The following POU5F1 variants were observed in gnomAD, a reference collection of about 807,000 sequenced individuals.
POU5F1 encodes the protein POU domain, class 5, transcription factor 1.
Under a neutral mutation model 38.3 loss-of-function variants are expected in POU5F1, and 6 were observed. The observed-to-expected ratio is 0.16, with a 90% CI of 0.09 to 0.31. The LOEUF is 0.31. POU5F1 is among the 10% of genes least tolerant of loss of function. POU5F1 has a pLI of 1.00. For missense variants in POU5F1, 286 were observed against 462.6 expected, an observed-to-expected ratio of 0.62 and a Z score of 3.50; for synonymous variants, 147 against 194.9, an observed-to-expected ratio of 0.75 and a Z score of 2.05.
chr6:31,170,527 G>A lies in POU5F1; in HGVS notation c.94C>T (p.Pro32Ser), dbSNP rs1777589618. The A allele has an allele frequency of 6.3e-7, 1 of 1,585,578 alleles. No homozygotes were observed. The highest frequency in any genetic ancestry group is 8.6e-7 in the Non-Finnish European group (1 of 1,166,804). Residue 32 changes from proline (P) to serine (S), a missense_variant, in exon 1 of 5, where the codon CCT (proline) becomes TCT (serine). Physicochemically the swap from Pro to Ser is moderately conservative, Grantham distance 74. This residue lies in a region of POU5F1 where 176 missense variants were observed against 184.8 expected (regional missense o/e 0.95). Coordinates refer to ENST00000259915, the MANE Select transcript of POU5F1 (RefSeq NM_002701.6). ...CCTTGGAAGCTTAGCCAGGTCCGAG[G>A]ATCAACCCAGCCCGGCTCCGGCCCC... is the stretch of plus-strand genomic sequence containing the variant. Reference protein sequence around the residue: ...PGGPEPGWVDPRTWLSFQGPP... With the variant: ...PGGPEPGWVDSRTWLSFQGPP...
chr6:31,166,262 G>C (rs761916552), intron 1 of POU5F1: 3 of 1,540,952 alleles, frequency 1.9e-6, no homozygotes, highest in African/African-American at 2.7e-5. Context: ...ATGTAACAAA[G>C]GACTACTCTT....
rs1244494688 is a variant in POU5F1 at position 31,166,032 on chromosome 6, C to G, written c.421G>C (p.Ala141Pro). The G allele has an allele frequency of 1.2e-6, 2 of 1,614,086 alleles. No individual in the cohort carries two copies. The highest frequency in any genetic ancestry group is 1.7e-6 in the Non-Finnish European group (2 of 1,180,046). Residue 141 changes from alanine (A) to proline (P), a missense_variant, in exon 2 of 5, where the codon GCT becomes CCT. Physicochemically the swap from Ala to Pro is conservative, Grantham distance 27. Around this residue, in one of 2 missense-constraint regions of POU5F1, gnomAD observed 110 missense variants for 277.8 expected, o/e 0.40. Transcript: ENST00000259915. ...AATTGCTCGAGTTCTTTCTGCAGAG[C>G]TTTGATGTCCTGGGACTGGATTTTA... ...QNPEESQDIK[A>P]LQKELEQFAK...
intron 1 of POU5F1, chr6:31,166,662 GAA>G (rs9279005): frequency 0.053 from 48,950 of 926,874 alleles, 1,480 homozygotes; most frequent in East Asian, 0.19. Flanking sequence ...CTGTCTCAAA[GAA>G]AAAAAAAAAA....
intron 1 of POU5F1, chr6:31,166,801 A>AT: frequency 8.5e-7 from 1 of 1,181,972 alleles, no homozygotes; most frequent in Non-Finnish European, 1.1e-6. Flanking sequence ...GAAGAGCATC[A>AT]TGTCTCAGAA....
At chr6:31,166,103 T>C (rs751667986) in intron 1 of POU5F1, 56 bp from the exon 2 acceptor site, 1 of 1,614,156 alleles carries the variant, frequency 6.2e-7, no homozygotes, top group Non-Finnish European at 8.5e-7. Context: ...GTTATCAATC[T>C]CCCCTTTCCA....
intron 1 of POU5F1, among the ~76,000 whole-genome samples, chr6:31,169,195 G>A (rs1777494468): frequency 6.6e-6 from 1 of 152,114 alleles, no homozygotes; most frequent in South Asian, 2.1e-4. Context: ...ATGAGATAAT[G>A]ATGTATAAAC....
intron 1 of POU5F1, among the ~76,000 whole-genome samples, chr6:31,169,476 G>A (rs1777509779): frequency 6.6e-6 from 1 of 152,190 alleles, no homozygotes; most frequent in Non-Finnish European, 1.5e-5. Context: ...ATGGCCTGGA[G>A]AAATCTCTCA....
At position 31,164,511 on chromosome 6, in the gene POU5F1, T is replaced by C; in HGVS notation, c.*90A>G. 6.5e-7 allele frequency: 1 copy of C among 1,541,280 alleles called. No individual in the cohort carries two copies. ...ATTCCTTCCTTAGTGAATGAAGAAC[T>C]TAATCCCAAAAACCCTGGCACAAAC... On this transcript the variant is annotated 3_prime_UTR_variant, in exon 5 of 5. Transcript: ENST00000259915.
At chr6:31,170,107 G>C in intron 1 of POU5F1, 109 bp downstream of exon 1, 1 of 1,574,708 alleles carries the variant, frequency 6.4e-7, no homozygotes, top group Non-Finnish European at 8.7e-7. Flanking sequence ...GACCCTGCCT[G>C]CTCCTCTCCT....
At position 31,170,243 on chromosome 6, in the gene POU5F1, C is replaced by T; in HGVS notation, c.378G>A (p.Lys126=). The part of the protein sequence containing the change: ...TVTPGAVKLE[K]EKLEQNPEES... The stretch of plus-strand genomic sequence containing the variant: ...CCTCCGGGTTTTGCTCCAGCTTCTC[C>T]TTCTCCAGCTTCACGGCACCAGGGG... The change falls in exon 1 of 5, where the codon AAG becomes AAA. Residue 126 remains lysine, a synonymous_variant. Transcript: ENST00000259915. The T allele has an allele frequency of 6.2e-7, 1 of 1,612,920 alleles. No homozygotes were observed.
Position 31,165,826 on chromosome 6 carries a change from CT to C in POU5F1, c.526+100del, listed in dbSNP as rs1229527301. On this transcript the variant is annotated intron_variant, in intron 2 of 4. Coordinates refer to ENST00000259915, the MANE Select transcript of POU5F1 (RefSeq NM_002701.6). The surrounding 1 kb of genome is among the most constrained non-coding windows in gnomAD (Gnocchi z 6.5). ...AAGCATCTTCTCCCTCTCCCTACTC[CT>C]CTTCATGGGTGAGGGTAGTCTGCCC... The C allele has an allele frequency of 2.0e-6, 3 of 1,532,298 alleles. No individual in the cohort carries two copies. The highest frequency in any genetic ancestry group is 3.5e-5 in the African/African-American group (2 of 57,712). 94.9% of individuals were successfully genotyped at this position (1,532,298 alleles called of 1,614,324 possible).
chr6:31,165,892 G>C lies in POU5F1; in HGVS notation c.526+35C>G. ...TAGGTTCAGGGATACTCCTTAGAGG[G>C]GAGATGCGGTCAGAATCTGCAGAGG... On this transcript the variant is annotated intron_variant, in intron 2 of 4. Transcript: ENST00000259915. The surrounding 1 kb of genome is among the most constrained non-coding windows in gnomAD (Gnocchi z 6.5). 6.2e-7 allele frequency: 1 copy of C among 1,613,280 alleles called. No individual in the cohort carries two copies. The highest frequency in any genetic ancestry group is 8.5e-7 in the Non-Finnish European group (1 of 1,179,504).
rs910731427 is a variant in POU5F1 at position 31,170,593 on chromosome 6, C to T, written c.28G>A (p.Ala10Thr). 8.3e-6 allele frequency: 13 copies of T among 1,562,852 alleles called. No individual in the cohort carries two copies. Among genetic ancestry groups the T allele is most frequent in the African/African-American group, 8.1e-5 (6 of 73,788 alleles). The change falls in exon 1 of 5, where the codon GCC becomes ACC. Residue 10 changes from alanine (A) to threonine (T), a missense_variant. Coordinates refer to ENST00000259915, the MANE Select transcript of POU5F1 (RefSeq NM_002701.6). MAGHLASDF[A>T]FSPPPGGGGD... ...CCACCACCTGGAGGGGGCGAGAAGG[C>T]GAAATCCGAAGCCAGGTGTCCCGCC... is the stretch of plus-strand genomic sequence containing the variant.
intron 1 of POU5F1, among the ~76,000 whole-genome samples, chr6:31,169,394 T>C (rs1179323655): frequency 1.3e-5 from 2 of 152,350 alleles, no homozygotes; most frequent in East Asian, 3.9e-4. Context: ...CTTGAAGGAC[T>C]GGAAGATACA....
At position 31,164,519 on chromosome 6, in the gene POU5F1, A is replaced by C; in HGVS notation, c.*82T>G. On this transcript the variant is annotated 3_prime_UTR_variant, in exon 5 of 5. Coordinates refer to ENST00000259915, the MANE Select transcript of POU5F1 (RefSeq NM_002701.6). The stretch of plus-strand genomic sequence containing the variant: ...CTTAGTGAATGAAGAACTTAATCCC[A>C]AAAACCCTGGCACAAACTCCAGGTT... The C allele has an allele frequency of 6.4e-7, 1 of 1,550,658 alleles. No homozygotes were observed. The highest frequency in any genetic ancestry group is 8.7e-7 in the Non-Finnish European group (1 of 1,145,232).
intron 1 of POU5F1, chr6:31,166,912 A>G: frequency 1.5e-6 from 2 of 1,296,194 alleles, no homozygotes; most frequent in Non-Finnish European, 1.0e-6. Flanking sequence ...AACAGGTGTC[A>G]TAAGAATGGA....
rs762688452 is a variant in POU5F1 at position 31,165,554 on chromosome 6, C to G, written c.657+17G>C. 6.2e-6 allele frequency: 10 copies of G among 1,613,096 alleles called. No homozygotes were observed. In the African/African-American group the frequency reaches 1.1e-4, roughly 17 times the overall value. The stretch of plus-strand genomic sequence containing the variant: ...CAAGAAAGGGAAGGTCCCCGGGTAT[C>G]CCCCTCCCACCCTTACCTCCTGAAG... On this transcript the variant is annotated intron_variant, in intron 3 of 4. Coordinates refer to ENST00000259915, the MANE Select transcript of POU5F1 (RefSeq NM_002701.6). This position sits in a 1 kb window ranked among gnomAD's most constrained non-coding sequence, Gnocchi z 6.5.
intron 1 of POU5F1, among the ~76,000 whole-genome samples, chr6:31,168,527 C>T (rs1777448199): frequency 6.6e-6 from 1 of 152,146 alleles, no homozygotes; most frequent in Non-Finnish European, 1.5e-5. Flanking sequence ...AAAACACTGA[C>T]TCTAGTTGAC....
chr6:31,166,569 G>A, intron 1 of POU5F1: 1 of 971,220 alleles, frequency 1.0e-6, no homozygotes, highest in Non-Finnish European at 1.4e-6. Context: ...TGAGGCAGGA[G>A]AATCACTTGA....
Sources: allele counts gnomAD v4.1 joint callset (sites outside exome capture counted in the v4.1 genomes callset), GRCh38; gene constraint gnomAD v4.1.1; regional missense constraint gnomAD v4.1.1; non-coding constraint Gnocchi (gnomAD v3.1); transcripts MANE v1.5; gene names NCBI Gene and HGNC (gene_info 2026-07-23, HGNC 2026-07-21).